C2orf49: variants seen among roughly 807,000 people sequenced by gnomAD.
The protein encoded by C2orf49 is tRNA splicing ligase complex subunit 2.
A neutral mutation model predicts 20.6 loss-of-function variants in C2orf49; 11 were observed. The ratio of observed to expected loss-of-function variants is 0.53; its 90% CI spans 0.34 to 0.88. The LOEUF (loss-of-function observed/expected upper bound fraction) is 0.88. Among genes scored for constraint, C2orf49 ranks in the 40% least tolerant of loss-of-function variants. The probability of loss-of-function intolerance (pLI) is 0.02; values close to 1 mark genes in which losing one functional copy is unlikely to be tolerated. For missense variants in C2orf49, 289 were observed against 274.2 expected (o/e 1.05, Z -0.38); for synonymous variants, 134 against 108.5 (o/e 1.24, Z -1.46).
the C2orf49 span, chr2:105,378,710 T>A: frequency 2.0e-5 from 3 of 153,206 alleles, no homozygotes; most frequent in Admixed American, 1.3e-4. Flanking sequence ...CATTCCTGAG[T>A]GAATATGCGT....
the C2orf49 span, among the ~76,000 whole-genome samples, chr2:105,365,674 C>CAACAAA: frequency 1.4e-5 from 1 of 71,662 alleles, no homozygotes; most frequent in Non-Finnish European, 2.8e-5. Flanking sequence ...GTCTCTACTA[C>CAACAAA]AAAAAAAAAA....
chr2:105,351,575 C>T (rs1466988724), downstream of C2orf49, among the ~76,000 whole-genome samples: 1 of 152,126 alleles, frequency 6.6e-6, no homozygotes, highest in African/African-American at 2.4e-5. Context: ...TTTTTTAACT[C>T]CAGTTCTTTC....
chr2:105,370,575 T>G, the C2orf49 span, among the ~76,000 whole-genome samples: 2 of 152,000 alleles, frequency 1.3e-5, no homozygotes, highest in Non-Finnish European at 2.9e-5. Context: ...CTGACTTGTG[T>G]GGGGGGTGTG....
the C2orf49 span, among the ~76,000 whole-genome samples, chr2:105,356,179 T>G: frequency 2.0e-5 from 3 of 151,978 alleles, no homozygotes; most frequent in Non-Finnish European, 4.4e-5. Context: ...TCACCTGAGG[T>G]CAGGAGTTCA....
intron 3 of C2orf49, among the ~76,000 whole-genome samples, chr2:105,343,886 A>G (rs1679741340): frequency 6.6e-6 from 1 of 151,708 alleles, no homozygotes. Context: ...CGCTTCAGAA[A>G]AGTGCTTTTA....
At chr2:105,337,797 T>A in intron 1 of C2orf49, 111 bp downstream of exon 1, 1 of 943,136 alleles carries the variant, frequency 1.1e-6, no homozygotes, top group South Asian at 1.6e-5. Context: ...CCGCCGGGTT[T>A]GTGTCACTCT....
the C2orf49 span, among the ~76,000 whole-genome samples, chr2:105,381,279 A>G: frequency 1.3e-5 from 2 of 152,106 alleles, no homozygotes; most frequent in African/African-American, 4.8e-5. Flanking sequence ...CTTACAAATA[A>G]AGATGCAGAA....
the C2orf49 span, among the ~76,000 whole-genome samples, chr2:105,370,763 C>G: frequency 6.6e-6 from 1 of 152,180 alleles, no homozygotes; most frequent in Non-Finnish European, 1.5e-5. Context: ...TTTGCATACA[C>G]CGGGATTCTT....
At chr2:105,343,951 A>G (rs1049776490) in intron 3 of C2orf49, among the ~76,000 whole-genome samples, 12 of 152,020 alleles carry the variant, frequency 7.9e-5, no homozygotes, top group African/African-American at 2.4e-4. Flanking sequence ...CTTTGCCTTT[A>G]TTATTATTAT....
At chr2:105,373,551 C>T in the C2orf49 span, 1 of 1,614,192 alleles carries the variant, frequency 6.2e-7, no homozygotes, top group Non-Finnish European at 8.5e-7. Context: ...AAAGGAGTGC[C>T]TCCTGACCTG....
the C2orf49 span, among the ~76,000 whole-genome samples, chr2:105,371,774 T>C: frequency 1.3e-5 from 2 of 152,206 alleles, no homozygotes. Flanking sequence ...CTTGGGCCCT[T>C]GTTCAGGAAA....
At chr2:105,353,569 A>G (rs1480551992), downstream of C2orf49, among the ~76,000 whole-genome samples, 1 of 152,182 alleles carries the variant, frequency 6.6e-6, no homozygotes. Flanking sequence ...ACGGTGGGCT[A>G]GGAGTCAAGA....
the C2orf49 span, among the ~76,000 whole-genome samples, chr2:105,367,152 C>G: frequency 2.0e-5 from 3 of 152,170 alleles, no homozygotes; most frequent in Non-Finnish European, 4.4e-5. Flanking sequence ...TTCTCACATC[C>G]GTCTCTCTCT....
intron 1 of C2orf49, 105 bp downstream of exon 1, chr2:105,337,791 C>A: frequency 9.7e-7 from 1 of 1,030,776 alleles, no homozygotes; most frequent in East Asian, 2.6e-5. Flanking sequence ...ACACTCCCGC[C>A]GGGTTTGTGT....
the C2orf49 span, among the ~76,000 whole-genome samples, chr2:105,383,048 G>C: frequency 2.0e-5 from 3 of 152,160 alleles, no homozygotes; most frequent in Non-Finnish European, 4.4e-5. Context: ...ACCACACCCA[G>C]CTTATTTTTG....
chr2:105,383,812 G>A, the C2orf49 span, among the ~76,000 whole-genome samples: 1 of 152,296 alleles, frequency 6.6e-6, no homozygotes, highest in East Asian at 1.9e-4. Flanking sequence ...AGAAAAGCAC[G>A]CCTAAAGCAT....
intron 3 of C2orf49, among the ~76,000 whole-genome samples, chr2:105,344,869 G>A (rs2104452456): frequency 6.6e-6 from 1 of 152,078 alleles, no homozygotes; most frequent in South Asian, 2.1e-4. Flanking sequence ...TGAGCCACCT[G>A]CCCAGCCTAT....
At chr2:105,363,484 G>C in the C2orf49 span, 5 of 1,595,440 alleles carry the variant, frequency 3.1e-6, no homozygotes, top group Admixed American at 3.5e-5. Flanking sequence ...GCAGGGACGA[G>C]GGGGAGAGTT....
At chr2:105,356,113 G>A in the C2orf49 span, among the ~76,000 whole-genome samples, 1 of 152,088 alleles carries the variant, frequency 6.6e-6, no homozygotes, top group Admixed American at 6.6e-5. Context: ...ACATCAGCCA[G>A]GTGTTGTGGC....
Sources: gnomAD v4.1 joint callset for allele counts (sites outside exome capture counted in the v4.1 genomes callset) on GRCh38, gnomAD v4.1.1 for gene constraint, MANE v1.5 for transcripts, NCBI Gene and HGNC (gene_info 2026-07-23, HGNC 2026-07-21) for gene names.